The following TRIM25 variants were observed in gnomAD, a reference collection of about 807,000 sequenced individuals.
TRIM25 encodes the protein E3 ubiquitin/ISG15 ligase TRIM25.
A neutral mutation model predicts 65.2 loss-of-function variants in TRIM25; 45 were observed. The observed-to-expected ratio is 0.69, with a 90% CI of 0.54 to 0.89. The LOEUF (loss-of-function observed/expected upper bound fraction) is 0.89. Among genes scored for constraint, TRIM25 ranks in the 40% least tolerant of loss-of-function variants. The probability of loss-of-function intolerance (pLI) is 0.00; values close to 1 mark genes in which losing one functional copy is unlikely to be tolerated. For synonymous variants in TRIM25, 321 were observed against 340.4 expected, an observed-to-expected ratio of 0.94 and a Z score of 0.63; for missense variants, 714 against 803.7, an observed-to-expected ratio of 0.89 and a Z score of 1.35.
At chr17:56,902,186 T>C (rs972188002) in intron 3 of TRIM25, among the ~76,000 whole-genome samples, 1 of 152,136 alleles carries the variant, frequency 6.6e-6, no homozygotes, top group African/African-American at 2.4e-5. Context: ...CTTAACGCCA[T>C]CCAGACTAGG....
intron 2 of TRIM25, among the ~76,000 whole-genome samples, chr17:56,906,254 C>T (rs1909517725): frequency 6.6e-6 from 1 of 152,238 alleles, no homozygotes. Context: ...CGCTCTCCTG[C>T]CTTCCATCCT....
At position 56,904,358 on chromosome 17, in the gene TRIM25, T is replaced by C; in HGVS notation, c.824A>G (p.Asp275Gly). Reference protein sequence around the residue: ...EEEKRVNSKFDTIYQILLKKK... With the variant: ...EEEKRVNSKFGTIYQILLKKK... ...CTTGAGGAGAATCTGATAAATGGTG[T>C]CAAACTTGCTGTTGACCCTCTTCTC... Residue 275 changes from aspartate to glycine, a missense_variant, in exon 3 of 9, where the codon GAC (aspartate) becomes GGC (glycine). This residue lies in a region of TRIM25 where 413 missense variants were observed against 498.2 expected (regional missense o/e 0.83). Transcript: ENST00000316881. 5.6e-6 allele frequency: 9 copies of C among 1,614,190 alleles called. No individual in the cohort carries two copies. The highest frequency in any genetic ancestry group is 6.8e-6 in the Non-Finnish European group (8 of 1,180,026).
At chr17:56,911,003 G>A (rs925937443) in intron 1 of TRIM25, among the ~76,000 whole-genome samples, 33 of 152,346 alleles carry the variant, frequency 2.2e-4, no homozygotes, top group Admixed American at 3.3e-4. Context: ...CCTGGCTCAC[G>A]CCTGTAATCC....
At chr17:56,897,340 C>T (rs914545151) in intron 5 of TRIM25, among the ~76,000 whole-genome samples, 1 of 152,200 alleles carries the variant, frequency 6.6e-6, no homozygotes, top group Admixed American at 6.5e-5. Context: ...GGACACCTGA[C>T]ATTACAGATA....
intron 2 of TRIM25, among the ~76,000 whole-genome samples, chr17:56,907,169 C>T (rs1316373641): frequency 6.6e-6 from 1 of 152,182 alleles, no homozygotes; most frequent in Non-Finnish European, 1.5e-5. Context: ...AGGGAGAACC[C>T]TTAATCCCTG....
intron 1 of TRIM25, among the ~76,000 whole-genome samples, chr17:56,910,476 G>C (rs1375808559): frequency 6.6e-6 from 1 of 152,198 alleles, no homozygotes; most frequent in Non-Finnish European, 1.5e-5. Flanking sequence ...CGGCCTTGCT[G>C]GCCTCAGAGC....
Position 56,891,991 on chromosome 17 carries a change from G to T in TRIM25, c.1602C>A (p.Asn534Lys). 1 of 1,614,172 alleles carries T rather than the reference G, an allele frequency of 6.2e-7. No homozygotes were observed. The highest frequency in any genetic ancestry group is 8.5e-7 in the Non-Finnish European group (1 of 1,180,034). The change falls in exon 9 of 9, where the codon AAC becomes AAA. Residue 534 changes from asparagine to lysine, a missense_variant. Physicochemically the swap from Asn to Lys is moderately conservative, Grantham distance 94 (BLOSUM62 0). This residue lies in a region of TRIM25 where 413 missense variants were observed against 498.2 expected (regional missense o/e 0.83). Transcript: ENST00000316881. ...CGAGCCTGCTTTCTGGGCCCTGCCG[G>T]TTCATGCTTCCGTAGCAGATGCCTA... is the stretch of plus-strand genomic sequence containing the variant. ...CGVGICYGSM[N>K]RQGPESRLGR...
intron 4 of TRIM25, among the ~76,000 whole-genome samples, chr17:56,900,642 G>A (rs1020927979): frequency 6.6e-6 from 1 of 152,158 alleles, no homozygotes; most frequent in Non-Finnish European, 1.5e-5. Flanking sequence ...TGGAGAGTGG[G>A]GAAGAGCAAA....
At chr17:56,904,210 CAAAAAA>C in intron 3 of TRIM25, 39 bp downstream of exon 3, 1 of 1,283,710 alleles carries the variant, frequency 7.8e-7, no homozygotes. Context: ...TGACATCAGG[CAAAAAA>C]AAAAAAAAAA....
chr17:56,905,694 A>G (rs1391234448), intron 2 of TRIM25, among the ~76,000 whole-genome samples: 2 of 152,242 alleles, frequency 1.3e-5, no homozygotes, highest in Admixed American at 1.3e-4. Context: ...GCAGTGATTC[A>G]TGCTCATAAT....
In TRIM25 at chr17:56,913,163, T is replaced by A; in HGVS notation, c.597+229A>T. On this transcript the variant is annotated intron_variant, in intron 1 of 8. Transcript: ENST00000316881. This position sits in a 1 kb window ranked among gnomAD's most constrained non-coding sequence, Gnocchi z 6.1. ...CTCAAAAAAATAAAAATAAACACCA[T>A]CAGACAATGACAGGATTATGGCAAG... 2.5e-6 allele frequency: 1 copy of A among 406,336 alleles called. No homozygotes were observed. Among genetic ancestry groups the A allele is most frequent in the Non-Finnish European group, 4.3e-6 (1 of 231,290 alleles). The allele number at this position is 406,336 out of a possible 1,614,324, so 25.2% of individuals were successfully genotyped here.
chr17:56,898,717 A>G (rs1486991836), intron 5 of TRIM25, among the ~76,000 whole-genome samples: 1 of 152,094 alleles, frequency 6.6e-6, no homozygotes, highest in Non-Finnish European at 1.5e-5. Context: ...CCAAAAAAAA[A>G]AAAACAGTTG....
chr17:56,903,437 G>T (rs1021541231), intron 3 of TRIM25, among the ~76,000 whole-genome samples: 2 of 152,102 alleles, frequency 1.3e-5, no homozygotes, highest in South Asian at 4.1e-4. Flanking sequence ...CTCAGTCTTA[G>T]GTACTCCTTT....
At position 56,892,076 on chromosome 17, in the gene TRIM25, C is replaced by G. The variant is rs1415431181; in HGVS notation, c.1517G>C (p.Cys506Ser). ...TYCSQVLGLHCYKKGIHYWEV... is the reference protein window; with the variant it reads ...TYCSQVLGLHSYKKGIHYWEV... ...CCAGTAGTGGATCCCCTTCTTGTAG[C>G]AGTGCAGGCCCAGCACCTGAGAGCA... is the stretch of plus-strand genomic sequence containing the variant. The change falls in exon 9 of 9, where the codon TGC (cysteine) becomes TCC (serine). Residue 506 changes from cysteine (C) to serine (S), a missense_variant. Physicochemically the swap from Cys to Ser is moderately radical, Grantham distance 112 (BLOSUM62 -1). Coordinates refer to ENST00000316881, the MANE Select transcript of TRIM25 (RefSeq NM_005082.5). 6.2e-7 allele frequency: 1 copy of G among 1,614,198 alleles called. No homozygotes were observed. Among genetic ancestry groups the G allele is most frequent in the Admixed American group, 1.7e-5 (1 of 60,028 alleles).
intron 1 of TRIM25, among the ~76,000 whole-genome samples, chr17:56,910,527 C>T (rs1598079963): frequency 6.6e-6 from 1 of 152,196 alleles, no homozygotes; most frequent in Admixed American, 6.5e-5. Flanking sequence ...CCAACTGCTT[C>T]ACTTTCAAGA....
Position 56,896,941 on chromosome 17 carries a change from C to CA in TRIM25, c.1154-990dup, listed in dbSNP as rs111639452. Among the ~76,000 whole-genome samples, 1,171 of 135,722 alleles carry CA rather than the reference C, an allele frequency of 8.6e-3. 12 individuals are homozygous for CA. The highest frequency in any genetic ancestry group is 0.024 in the African/African-American group (885 of 37,072). 89.0% of individuals were successfully genotyped at this position (135,722 alleles called of 152,430 possible). ...ACAACATATCAATATCCTGTCTCTACAAAAAAAAAAAAATTGTTTTAATTA... is the reference window on the plus strand; with the variant it reads ...ACAACATATCAATATCCTGTCTCTACAAAAAAAAAAAAAATTGTTTTAATTA... On this transcript the variant is annotated intron_variant, in intron 5 of 8. Transcript: ENST00000316881.
chr17:56,900,632 T>C (rs1009504846), intron 4 of TRIM25, among the ~76,000 whole-genome samples: 4 of 152,136 alleles, frequency 2.6e-5, no homozygotes. Context: ...TCAAGCCTTC[T>C]GGAGAGTGGG....
At chr17:56,904,880 C>T (rs950133803) in intron 2 of TRIM25, among the ~76,000 whole-genome samples, 2 of 152,164 alleles carry the variant, frequency 1.3e-5, no homozygotes, top group African/African-American at 4.8e-5. Flanking sequence ...TAAACTGGAG[C>T]TATGCCTGGA....
chr17:56,905,371 T>A (rs945317383), intron 2 of TRIM25, among the ~76,000 whole-genome samples: 1 of 151,764 alleles, frequency 6.6e-6, no homozygotes, highest in Non-Finnish European at 1.5e-5. Flanking sequence ...CTCAAAAAAA[T>A]AAAATAAAAT....
Sources: allele counts gnomAD v4.1 joint callset (sites outside exome capture counted in the v4.1 genomes callset), GRCh38; gene constraint gnomAD v4.1.1; regional missense constraint gnomAD v4.1.1; non-coding constraint Gnocchi (gnomAD v3.1); transcripts MANE v1.5; gene names NCBI Gene and HGNC (gene_info 2026-07-23, HGNC 2026-07-21).